Variants in CCSER1 observed in about 807,000 individuals in gnomAD.
The protein encoded by CCSER1 is coiled-coil serine rich protein 1.
Under a neutral mutation model 82.0 loss-of-function variants are expected in CCSER1, and 41 were observed. The observed-to-expected ratio is 0.50, with a 90% CI of 0.39 to 0.65. The LOEUF is 0.65. Among genes scored for constraint, CCSER1 ranks in the 30% least tolerant of loss-of-function variants. The pLI is 0.00. For missense variants in CCSER1, 1,119 were observed against 1,064.2 expected, an observed-to-expected ratio of 1.05 and a Z score of -0.72; for synonymous variants, 414 against 383.9, an observed-to-expected ratio of 1.08 and a Z score of -0.92.
chr4:91,363,373 G>A (rs1285182794), intron 10 of CCSER1, among the ~76,000 whole-genome samples: 2 of 151,264 alleles, frequency 1.3e-5, no homozygotes. Flanking sequence ...GTGTGTGTGT[G>A]TGTGTGTGTG....
chr4:91,583,644 T>C (rs1442071813), intron 10 of CCSER1, among the ~76,000 whole-genome samples: 2 of 151,470 alleles, frequency 1.3e-5, no homozygotes, highest in African/African-American at 2.4e-5. Flanking sequence ...AATAGACTAG[T>C]GGAGTTTTGG....
intron 9 of CCSER1, among the ~76,000 whole-genome samples, chr4:90,966,699 C>T (rs1734597286): frequency 6.6e-6 from 1 of 152,080 alleles, no homozygotes; most frequent in South Asian, 2.1e-4. Context: ...AAAACTTATA[C>T]ATTTATTTTT....
At chr4:90,480,033 C>A (rs1765698005) in intron 5 of CCSER1, among the ~76,000 whole-genome samples, 1 of 152,204 alleles carries the variant, frequency 6.6e-6, no homozygotes, top group South Asian at 2.1e-4. Context: ...TCCTCTCCAG[C>A]ACCTGTTGTT....
intron 10 of CCSER1, among the ~76,000 whole-genome samples, chr4:91,559,738 A>G (rs961210341): frequency 2.0e-5 from 3 of 151,414 alleles, no homozygotes; most frequent in Non-Finnish European, 4.4e-5. Flanking sequence ...ATTCTCATCC[A>G]TGTTGCTTTA....
At chr4:90,904,609 T>C (rs1486931682) in intron 8 of CCSER1, among the ~76,000 whole-genome samples, 1 of 152,106 alleles carries the variant, frequency 6.6e-6, no homozygotes, top group East Asian at 1.9e-4. Context: ...CCATGTGTCA[T>C]GAGTGGAGGA....
At chr4:90,437,623 T>G (rs550235895) in intron 4 of CCSER1, among the ~76,000 whole-genome samples, 23 of 152,178 alleles carry the variant, frequency 1.5e-4, no homozygotes, top group Non-Finnish European at 3.2e-4. Context: ...GTCAGCATAG[T>G]CATTTCATGT....
rs970597586 is a variant in CCSER1 at position 90,574,514 on chromosome 4, C to T, written c.1725-53511C>T. On this transcript the variant is annotated intron_variant, in intron 5 of 10. Transcript: ENST00000509176. ...CGATCTCCTGACCTCATGATCCACC[C>T]GCCTCGGCCTCCCAAAGTGCTGGGA... 1.5e-3 allele frequency among the ~76,000 whole-genome samples: 222 copies of T among 150,940 alleles called. 1 individual carries two copies. Among genetic ancestry groups the T allele is most frequent in the African/African-American group, 5.3e-3 (217 of 41,128 alleles).
chr4:90,612,391 A>G (rs1367386329), intron 5 of CCSER1, among the ~76,000 whole-genome samples: 1 of 152,210 alleles, frequency 6.6e-6, no homozygotes, highest in Non-Finnish European at 1.5e-5. Flanking sequence ...CACAGAAAGC[A>G]GCCATCAGTT....
chr4:91,067,923 T>G, intron 9 of CCSER1, among the ~76,000 whole-genome samples: 1 of 152,224 alleles, frequency 6.6e-6, no homozygotes, highest in Admixed American at 6.5e-5. Context: ...AGTAATATCA[T>G]TTAAGTTAAT....
chr4:91,217,746 G>C (rs1737370295), intron 10 of CCSER1, among the ~76,000 whole-genome samples: 1 of 151,824 alleles, frequency 6.6e-6, no homozygotes, highest in African/African-American at 2.4e-5. Flanking sequence ...AGACATAAAG[G>C]TTCTCCACAT....
rs1175170652 is a variant in CCSER1 at position 91,084,630 on chromosome 4, AT to A, written c.2173-1314del. Among the ~76,000 whole-genome samples, 11 of 152,256 alleles carry A rather than the reference AT, an allele frequency of 7.2e-5. No homozygotes were observed. The East Asian group carries it at 1.9e-3, about 27-fold the overall frequency. On this transcript the variant is annotated intron_variant, in intron 9 of 10. Transcript: ENST00000509176. ...AGCTTTACATTTAAGAAATGTTCTA[AT>A]TTTTTGTTTTATATTCTTTGTCACA...
intron 10 of CCSER1, among the ~76,000 whole-genome samples, chr4:91,216,714 CCT>C (rs1737274589): frequency 6.6e-6 from 1 of 152,080 alleles, no homozygotes; most frequent in African/African-American, 2.4e-5. Flanking sequence ...ATTATTTTAC[CCT>C]GTTACATTTT....
chr4:90,137,581 C>T lies in CCSER1; in HGVS notation c.-42+9750C>T, dbSNP rs1346662435. On this transcript the variant is annotated intron_variant, in intron 1 of 10. Transcript: ENST00000509176. ...ATAGAAAGTACCCAGCCTCAGAGGC[C>T]TGGTTCAGGAAATAAATGGATGAGA... Among the ~76,000 whole-genome samples the T allele has an allele frequency of 2.6e-5, 4 of 152,090 alleles. No individual in the cohort carries two copies. The East Asian group carries it at 7.7e-4, about 29-fold the overall frequency.
intron 10 of CCSER1, among the ~76,000 whole-genome samples, chr4:91,376,331 T>C (rs1287912537): frequency 1.3e-5 from 2 of 152,194 alleles, no homozygotes; most frequent in East Asian, 3.8e-4. Context: ...GCATAGCCTA[T>C]TGCTCTTAGG....
intron 5 of CCSER1, 87 bp from the exon 6 acceptor site, chr4:90,627,938 A>G: frequency 1.1e-6 from 1 of 950,988 alleles, no homozygotes; most frequent in Non-Finnish European, 1.7e-6. Context: ...ACTTTCTAGG[A>G]TACTAGAAAC....
chr4:90,201,226 A>G (rs1030366029), intron 1 of CCSER1, among the ~76,000 whole-genome samples: 31 of 152,172 alleles, frequency 2.0e-4, no homozygotes, highest in African/African-American at 7.5e-4. Context: ...TAAATAATTC[A>G]GTTTTTACTT....
At chr4:91,443,690 A>G (rs1038900459) in intron 10 of CCSER1, among the ~76,000 whole-genome samples, 1 of 148,788 alleles carries the variant, frequency 6.7e-6, no homozygotes, top group Non-Finnish European at 1.5e-5. Flanking sequence ...AGAAAATAAT[A>G]TTAGCGATCA....
intron 10 of CCSER1, among the ~76,000 whole-genome samples, chr4:91,176,998 A>G (rs1166631886): frequency 4.6e-5 from 7 of 152,138 alleles, no homozygotes; most frequent in African/African-American, 9.7e-5. Context: ...CGTCCCATCA[A>G]TACTAGTTTA....
intron 10 of CCSER1, among the ~76,000 whole-genome samples, chr4:91,130,900 A>G (rs955810229): frequency 2.0e-5 from 3 of 151,722 alleles, no homozygotes; most frequent in Non-Finnish European, 3.0e-5. Flanking sequence ...AAATATTTGT[A>G]TATGTATTTT....
Sources: allele counts gnomAD v4.1 joint callset (sites outside exome capture counted in the v4.1 genomes callset), GRCh38; gene constraint gnomAD v4.1.1; transcripts MANE v1.5; gene names NCBI Gene and HGNC (gene_info 2026-07-23, HGNC 2026-07-21).